The following EFHB variants were observed in gnomAD, a reference collection of about 807,000 sequenced individuals.
The protein encoded by EFHB is EF-hand domain family member B, also known as EF-hand domain-containing family member B.
Under a neutral mutation model 87.2 loss-of-function variants are expected in EFHB, and 91 were observed. The observed-to-expected ratio is 1.04, with a 90% confidence interval of 0.88 to 1.24. The LOEUF (loss-of-function observed/expected upper bound fraction) is 1.24. EFHB is among the 50% of genes most tolerant of loss of function. The probability of loss-of-function intolerance (pLI) is 0.00; values close to 1 mark genes in which losing one functional copy is unlikely to be tolerated. For missense variants in EFHB, 1,084 were observed against 998.8 expected (o/e 1.09, Z -1.15); for synonymous variants, 325 against 333.6 (o/e 0.97, Z 0.28).
At chr3:19,932,277 A>G (rs1030047898) in intron 1 of EFHB, among the ~76,000 whole-genome samples, 2 of 152,206 alleles carry the variant, frequency 1.3e-5, no homozygotes, top group South Asian at 2.1e-4. Context: ...CTTCCAGTCC[A>G]TCATAACTAC....
chr3:19,917,360 T>C (rs1341593459), intron 4 of EFHB, among the ~76,000 whole-genome samples: 1 of 152,142 alleles, frequency 6.6e-6, no homozygotes, highest in Non-Finnish European at 1.5e-5. Context: ...AAGGTACAAC[T>C]CCAGATTTTA....
At chr3:19,939,924 T>C (rs1696117912) in intron 1 of EFHB, among the ~76,000 whole-genome samples, 1 of 152,122 alleles carries the variant, frequency 6.6e-6, no homozygotes, top group East Asian at 1.9e-4. Flanking sequence ...AACAACTTAG[T>C]GTTATAGATT....
chr3:19,890,260 C>T (rs4858713), intron 9 of EFHB, among the ~76,000 whole-genome samples: 31,007 of 152,132 alleles, frequency 0.2, 3,554 homozygotes, highest in Non-Finnish European at 0.26. Context: ...TCCCTCTGCA[C>T]CCTTAATCCC....
At chr3:19,881,299 A>G (rs1281931665) in intron 12 of EFHB, among the ~76,000 whole-genome samples, 2 of 152,186 alleles carry the variant, frequency 1.3e-5, no homozygotes, top group Non-Finnish European at 2.9e-5. Flanking sequence ...GCTTTGCTCC[A>G]GTGGTTTGGC....
At chr3:19,931,499 C>T (rs1362608752) in intron 1 of EFHB, among the ~76,000 whole-genome samples, 1 of 152,126 alleles carries the variant, frequency 6.6e-6, no homozygotes, top group Non-Finnish European at 1.5e-5. Context: ...AAGAGGAAAC[C>T]AGAAAGCAGT....
At chr3:19,917,018 A>T (rs988606483) in intron 4 of EFHB, among the ~76,000 whole-genome samples, 2 of 152,118 alleles carry the variant, frequency 1.3e-5, no homozygotes, top group African/African-American at 4.8e-5. Flanking sequence ...CATTAAATAA[A>T]CTAATCCTAA....
intron 1 of EFHB, among the ~76,000 whole-genome samples, chr3:19,924,082 T>C (rs931600206): frequency 3.3e-5 from 5 of 152,112 alleles, no homozygotes; most frequent in Non-Finnish European, 7.4e-5. Flanking sequence ...AAAATAATAA[T>C]AACTAGTGAT....
intron 10 of EFHB, among the ~76,000 whole-genome samples, chr3:19,887,966 A>G (rs1694163319): frequency 6.6e-6 from 1 of 152,134 alleles, no homozygotes; most frequent in Admixed American, 6.5e-5. Context: ...ATTTTTTTGA[A>G]TAAATAATAC....
intron 1 of EFHB, chr3:19,946,312 TAGATTTACAGCGGTG>T (rs1228641938): frequency 1.3e-5 from 2 of 152,170 alleles, no homozygotes; most frequent in Non-Finnish European, 2.9e-5. Flanking sequence ...GGGCTAGACA[TAGATTTACAGCGGTG>T]AGGACCACCA....
intron 6 of EFHB, among the ~76,000 whole-genome samples, chr3:19,904,519 C>T (rs1297763836): frequency 1.3e-5 from 2 of 152,196 alleles, no homozygotes; most frequent in Non-Finnish European, 2.9e-5. Flanking sequence ...TTTCCTTCTT[C>T]CAAAGTCTGA....
chr3:19,896,920 A>T, intron 8 of EFHB, 79 bp from the exon 9 acceptor site: 1 of 1,303,312 alleles, frequency 7.7e-7, no homozygotes, highest in Non-Finnish European at 1.0e-6. Context: ...AAAGTGAGAG[A>T]TCTAGCAACC....
At position 19,879,546 on chromosome 3, in the gene EFHB, A is replaced by G; in HGVS notation, c.*85T>C. ...TCTTACCACTGTGAACTCTAACATA[A>G]TATCTAAAACCAGAATGGATTCAAC... On this transcript the variant is annotated 3_prime_UTR_variant, in exon 13 of 13. Transcript: ENST00000295824. 1 of 1,409,192 alleles carries G rather than the reference A, an allele frequency of 7.1e-7. No homozygotes were observed. The allele number at this position is 1,409,192 out of a possible 1,614,324, so 87.3% of individuals were successfully genotyped here.
At chr3:19,937,697 T>C (rs1696054613), upstream of EFHB, among the ~76,000 whole-genome samples, 1 of 152,156 alleles carries the variant, frequency 6.6e-6, no homozygotes, top group Non-Finnish European at 1.5e-5. Flanking sequence ...CTCTTTTCCT[T>C]TGAGCTCCTC....
At chr3:19,896,633 C>T in intron 9 of EFHB, 54 bp downstream of exon 9, 1 of 1,612,408 alleles carries the variant, frequency 6.2e-7, no homozygotes, top group Non-Finnish European at 8.5e-7. Flanking sequence ...CTACACCAAA[C>T]TGCTGGGATC....
At chr3:19,912,417 A>T (rs1183265227) in intron 5 of EFHB, among the ~76,000 whole-genome samples, 2 of 152,188 alleles carry the variant, frequency 1.3e-5, no homozygotes, top group Admixed American at 6.5e-5. Context: ...AAGCAGAGGG[A>T]TTTCATAAAT....
At chr3:19,880,775 A>G (rs2071655828) in intron 12 of EFHB, among the ~76,000 whole-genome samples, 1 of 152,238 alleles carries the variant, frequency 6.6e-6, no homozygotes. Context: ...CTTATGTCTT[A>G]AGAAAAATAT....
At chr3:19,922,001 C>G (rs1695453797) in intron 1 of EFHB, among the ~76,000 whole-genome samples, 1 of 151,958 alleles carries the variant, frequency 6.6e-6, no homozygotes, top group South Asian at 2.1e-4. Context: ...CCCGTCCCTT[C>G]TAAAAATACA....
At chr3:19,889,265 G>T (rs1194632561) in intron 9 of EFHB, among the ~76,000 whole-genome samples, 1 of 152,334 alleles carries the variant, frequency 6.6e-6, no homozygotes, top group Admixed American at 6.5e-5. Flanking sequence ...CTTGGGAGAT[G>T]AAGGGGCAGA....
intron 6 of EFHB, among the ~76,000 whole-genome samples, chr3:19,900,883 C>A (rs1416085534): frequency 6.7e-6 from 1 of 149,944 alleles, no homozygotes. Context: ...AAGCCAAGAT[C>A]ATGCCACGGC....
Sources: gnomAD v4.1 joint callset for allele counts (sites outside exome capture counted in the v4.1 genomes callset) on GRCh38, gnomAD v4.1.1 for gene constraint, MANE v1.5 for transcripts, NCBI Gene and HGNC (gene_info 2026-07-23, HGNC 2026-07-21) for gene names.